NCAM2: variants seen among roughly 807,000 people sequenced by gnomAD.
NCAM2 encodes neural cell adhesion molecule 2.
Under a neutral mutation model 98.1 loss-of-function variants are expected in NCAM2, and 30 were observed. That is an observed-to-expected ratio of 0.31 (90% CI 0.23 to 0.41). The LOEUF is 0.41. NCAM2 is among the 10% of genes least tolerant of loss of function. NCAM2 has a pLI of 1.00. For synonymous variants in NCAM2, 368 were observed against 342.4 expected (o/e 1.07, Z -0.83); for missense variants, 867 against 1,005.8 (o/e 0.86, Z 1.87).
intron 16 of NCAM2, among the ~76,000 whole-genome samples, chr21:21,519,399 A>T (rs1569134941): frequency 6.6e-6 from 1 of 152,114 alleles, no homozygotes; most frequent in Non-Finnish European, 1.5e-5. Context: ...TTACACTTAT[A>T]TAAGAGTGAG....
chr21:21,052,035 G>T (rs1202420392), intron 1 of NCAM2, among the ~76,000 whole-genome samples: 1 of 151,984 alleles, frequency 6.6e-6, no homozygotes, highest in Non-Finnish European at 1.5e-5. Context: ...TAAATTGCAT[G>T]ATGCTGAGGT....
rs544558091 is a variant in NCAM2, at chr21:21,082,226, A to T, written c.55+83608A>T. Among the ~76,000 whole-genome samples the T allele has an allele frequency of 3.8e-3, 257 of 67,652 alleles. 4 individuals carry two copies. The African/African-American group carries it at 0.039, about 10-fold the overall frequency. The allele number at this position is 67,652 out of a possible 152,430, so 44.4% of individuals were successfully genotyped here. A position where few individuals can be genotyped will look rare whatever the true frequency, so the allele number is the denominator to read the frequency against. ...CTGGGCGACAGAGTGAGAATCCTTTAAAAAAAAAAAAAAAAAAGAATTCTC... is the reference window on the plus strand; with the variant it reads ...CTGGGCGACAGAGTGAGAATCCTTTTAAAAAAAAAAAAAAAAAGAATTCTC... On this transcript the variant is annotated intron_variant, in intron 1 of 17. Coordinates refer to ENST00000400546, the MANE Select transcript of NCAM2 (RefSeq NM_004540.5).
chr21:21,052,858 G>A (rs1453089246), intron 1 of NCAM2, among the ~76,000 whole-genome samples: 1 of 152,060 alleles, frequency 6.6e-6, no homozygotes, highest in Non-Finnish European at 1.5e-5. Context: ...CAACCAGTCA[G>A]CACAAAATTT....
intron 3 of NCAM2, among the ~76,000 whole-genome samples, chr21:21,285,564 T>A (rs1403210149): frequency 1.3e-5 from 2 of 151,980 alleles, no homozygotes; most frequent in African/African-American, 2.4e-5. Context: ...TTATTTTAAA[T>A]GATGCAAAAG....
Position 21,308,698 on chromosome 21 carries a change from T to C in NCAM2, c.620-15685T>C, listed in dbSNP as rs967363412. On this transcript the variant is annotated intron_variant, in intron 5 of 17. Transcript: ENST00000400546. The stretch of plus-strand genomic sequence containing the variant: ...GTTTTAGTCATTAGATGTTCACATA[T>C]TGTTCTCTGTCCCACATTCCTTTGG... Among the ~76,000 whole-genome samples, 6 of 152,292 alleles carry C rather than the reference T, an allele frequency of 3.9e-5. No individual in the cohort carries two copies. In the East Asian group the frequency reaches 1.2e-3, roughly 29 times the overall value.
intron 12 of NCAM2, among the ~76,000 whole-genome samples, chr21:21,445,662 C>T: frequency 6.7e-6 from 1 of 148,862 alleles, no homozygotes; most frequent in African/African-American, 2.5e-5. Flanking sequence ...ACAACTCCTG[C>T]TTTTTTTTTT....
chr21:21,459,903 A>T (rs1982711509), intron 12 of NCAM2, among the ~76,000 whole-genome samples: 1 of 152,018 alleles, frequency 6.6e-6, no homozygotes, highest in African/African-American at 2.4e-5. Flanking sequence ...AACAATGCAT[A>T]TTAAAATGTA....
chr21:21,489,039 G>A (rs1426845648), intron 15 of NCAM2, among the ~76,000 whole-genome samples: 2 of 151,642 alleles, frequency 1.3e-5, no homozygotes, highest in Admixed American at 6.6e-5. Context: ...CGCCCAAGCT[G>A]GAGTGCAGTG....
chr21:21,273,913 C>T (rs2072622778), intron 1 of NCAM2, among the ~76,000 whole-genome samples: 1 of 152,126 alleles, frequency 6.6e-6, no homozygotes, highest in South Asian at 2.1e-4. Context: ...TGCCTGTAAT[C>T]CCAGCACTTT....
At chr21:21,185,442 T>C (rs918777464) in intron 1 of NCAM2, among the ~76,000 whole-genome samples, 6 of 152,286 alleles carry the variant, frequency 3.9e-5, no homozygotes, top group Admixed American at 2.6e-4. Context: ...ACTTTTGAAA[T>C]TGCAATCTTC....
At chr21:21,053,847 T>A (rs1352442418) in intron 1 of NCAM2, among the ~76,000 whole-genome samples, 2 of 151,734 alleles carry the variant, frequency 1.3e-5, no homozygotes, top group Non-Finnish European at 2.9e-5. Context: ...CATACATATA[T>A]ACATTCATAT....
At chr21:21,372,855 A>T (rs1341526713) in intron 8 of NCAM2, among the ~76,000 whole-genome samples, 1 of 151,846 alleles carries the variant, frequency 6.6e-6, no homozygotes, top group Non-Finnish European at 1.5e-5. Flanking sequence ...GTTTTTCACA[A>T]GTCAAAGCCA....
chr21:21,173,962 C>G (rs1013578151), intron 1 of NCAM2, among the ~76,000 whole-genome samples: 1 of 151,968 alleles, frequency 6.6e-6, no homozygotes, highest in Non-Finnish European at 1.5e-5. Flanking sequence ...TTGCTCTTGT[C>G]ACCCAGGCTG....
intron 12 of NCAM2, among the ~76,000 whole-genome samples, chr21:21,457,618 C>A (rs1361900414): frequency 1.3e-5 from 2 of 150,236 alleles, no homozygotes; most frequent in African/African-American, 4.9e-5. Context: ...CCAGCCTGGG[C>A]AACAGAGCAA....
At chr21:21,115,672 T>C (rs1305944990) in intron 1 of NCAM2, among the ~76,000 whole-genome samples, 1 of 152,220 alleles carries the variant, frequency 6.6e-6, no homozygotes, top group Non-Finnish European at 1.5e-5. Flanking sequence ...GTAGCTATTT[T>C]ATATACTTCT....
intron 1 of NCAM2, among the ~76,000 whole-genome samples, chr21:21,213,801 C>A (rs976855762): frequency 2.0e-5 from 3 of 152,086 alleles, no homozygotes; most frequent in Admixed American, 6.5e-5. Context: ...AGTACATAAT[C>A]TCCTCTTTGA....
intron 1 of NCAM2, among the ~76,000 whole-genome samples, chr21:21,174,745 T>A (rs935337660): frequency 4.0e-4 from 61 of 151,604 alleles, no homozygotes; most frequent in African/African-American, 1.3e-3. Flanking sequence ...TAAAAAAAAA[T>A]AAATAAATAC....
chr21:21,350,597 G>T (rs938996673), intron 8 of NCAM2, among the ~76,000 whole-genome samples: 1 of 152,070 alleles, frequency 6.6e-6, no homozygotes, highest in Non-Finnish European at 1.5e-5. Context: ...GCACAAAATA[G>T]CTTTGCATAA....
chr21:21,323,694 A>G (rs755642700), intron 5 of NCAM2, among the ~76,000 whole-genome samples: 1 of 152,200 alleles, frequency 6.6e-6, no homozygotes, highest in African/African-American at 2.4e-5. Context: ...AGTTTTTGCA[A>G]TGTAATTAGT....
Sources: allele counts gnomAD v4.1 joint callset (sites outside exome capture counted in the v4.1 genomes callset), GRCh38; gene constraint gnomAD v4.1.1; transcripts MANE v1.5; gene names NCBI Gene and HGNC (gene_info 2026-07-23, HGNC 2026-07-21).